TNRC6C: variants seen among roughly 807,000 people sequenced by gnomAD.
The protein encoded by TNRC6C is trinucleotide repeat-containing gene 6C protein.
Under a neutral mutation model 153.7 loss-of-function variants are expected in TNRC6C, and 20 were observed. That is an observed-to-expected ratio of 0.13 (90% CI 0.09 to 0.19). TNRC6C has a LOEUF of 0.19. TNRC6C is among the 10% of genes least tolerant of loss of function. TNRC6C has a pLI of 1.00. For missense variants in TNRC6C, 1,987 were observed against 2,172.0 expected (o/e 0.91, Z 1.69); for synonymous variants, 811 against 841.4 (o/e 0.96, Z 0.63).
At chr17:78,080,054 G>T (rs2073151887) in intron 10 of TNRC6C, among the ~76,000 whole-genome samples, 1 of 152,178 alleles carries the variant, frequency 6.6e-6, no homozygotes, top group Admixed American at 6.5e-5. Context: ...TAGATTTTCA[G>T]TTATGTTTAA....
upstream of TNRC6C, among the ~76,000 whole-genome samples, chr17:77,958,049 C>T (rs1435909363): frequency 1.3e-5 from 2 of 151,954 alleles, no homozygotes; most frequent in African/African-American, 2.4e-5. Context: ...GGCCGGGAGG[C>T]GCGAGGCGAG....
At chr17:78,001,877 G>A (rs1285620526), upstream of TNRC6C, among the ~76,000 whole-genome samples, 2 of 151,726 alleles carry the variant, frequency 1.3e-5, no homozygotes, top group African/African-American at 2.4e-5. Context: ...TTGTCCTGGG[G>A]GGAAGCATGA....
intron 1 of TNRC6C, among the ~76,000 whole-genome samples, chr17:77,985,588 C>T (rs1452121454): frequency 9.8e-5 from 13 of 133,328 alleles, no homozygotes; most frequent in South Asian, 2.2e-4. Flanking sequence ...GGCAACAGAG[C>T]GAGACTCCGT....
At chr17:78,002,083 T>G (rs951064622), upstream of TNRC6C, among the ~76,000 whole-genome samples, 1 of 152,186 alleles carries the variant, frequency 6.6e-6, no homozygotes, top group African/African-American at 2.4e-5. Context: ...TTGATACATT[T>G]GTTTTTTTTT....
At chr17:78,006,929 A>T (rs1347612114) in intron 1 of TNRC6C, among the ~76,000 whole-genome samples, 1 of 151,520 alleles carries the variant, frequency 6.6e-6, no homozygotes, top group Non-Finnish European at 1.5e-5. Flanking sequence ...CTCAGGTTCA[A>T]GTGGTTCTCC....
intron 7 of TNRC6C, among the ~76,000 whole-genome samples, chr17:78,074,411 C>G (rs577553081): frequency 6.6e-6 from 1 of 152,294 alleles, no homozygotes; most frequent in Non-Finnish European, 1.5e-5. Context: ...GTACAGAATT[C>G]ATGAATAATG....
chr17:78,104,261 T>C lies in TNRC6C; in HGVS notation c.4713-224T>C, dbSNP rs922528292. On this transcript the variant is annotated intron_variant, in intron 19 of 19. Transcript: ENST00000301624. The surrounding 1 kb of genome is among the most constrained non-coding windows in gnomAD (Gnocchi z 6.2). ...CTAAACGAGCCCACATTTAATGATC[T>C]GTTCACGCACTTGAAGATGTACTCT... Among the ~76,000 whole-genome samples the C allele has an allele frequency of 5.9e-5, 9 of 152,266 alleles. No individual in the cohort carries two copies. Among genetic ancestry groups the C allele is most frequent in the African/African-American group, 1.9e-4 (8 of 41,472 alleles).
At chr17:77,984,356 TAA>T (rs11290860) in intron 1 of TNRC6C, among the ~76,000 whole-genome samples, 6 of 135,684 alleles carry the variant, frequency 4.4e-5, no homozygotes, top group East Asian at 4.3e-4. Flanking sequence ...CATCAATACT[TAA>T]AAAAAAAAAA....
At position 77,972,279 on chromosome 17, in the gene TNRC6C, G is replaced by A. The variant is rs561796011; in HGVS notation, c.-38+13011G>A. Among the ~76,000 whole-genome samples the A allele has an allele frequency of 6.6e-5, 10 of 152,230 alleles. No individual in the cohort carries two copies. The South Asian group carries it at 2.1e-3, about 32-fold the overall frequency. On this transcript the variant is annotated intron_variant, in intron 1 of 22. Coordinates refer to the TNRC6C transcript ENST00000636222. ...TGAAATCCCATCACTTTGGGAGGCC[G>A]AGGTGGGAGGATCACCTGAAGTCAG...
At chr17:78,058,955 G>C (rs1043255037) in intron 3 of TNRC6C, among the ~76,000 whole-genome samples, 9 of 152,176 alleles carry the variant, frequency 5.9e-5, no homozygotes, top group Admixed American at 5.9e-4. Context: ...CATGGAAGAG[G>C]CATATCTCCA....
intron 16 of TNRC6C, 52 bp from the exon 19 acceptor site, chr17:78,097,693 A>G (rs1013414975): frequency 2.2e-6 from 3 of 1,349,924 alleles, no homozygotes; most frequent in African/African-American, 2.9e-5. Flanking sequence ...AGTTAGAGTC[A>G]TGAACCCGGA....
In TNRC6C at chr17:78,077,341, C is replaced by T. The variant is rs866031014; in HGVS notation, c.3210+7C>T. ...CTTGAATTCTTCTAGACAGGTAAGG[C>T]TGTTTGGAGAGAGCAAAACATGGCC... On this transcript the variant is annotated splice_region_variant and intron_variant, in intron 9 of 19. Coordinates refer to ENST00000301624, the Ensembl canonical transcript of TNRC6C. 2.6e-6 allele frequency: 4 copies of T among 1,568,526 alleles called. No homozygotes were observed. Among genetic ancestry groups the T allele is most frequent in the Admixed American group, 1.9e-5 (1 of 53,278 alleles).
chr17:78,097,803 C>T, intron 16 of TNRC6C: 1 of 1,551,164 alleles, frequency 6.4e-7, no homozygotes, highest in Non-Finnish European at 8.7e-7. Flanking sequence ...CCTGGCCACT[C>T]AGTGCCTCCG....
chr17:78,049,245 C>T lies in TNRC6C; in HGVS notation c.183C>T (p.Gly61=), dbSNP rs369498234. 2.5e-6 allele frequency: 4 copies of T among 1,610,798 alleles called. No individual in the cohort carries two copies. The highest frequency in any genetic ancestry group is 2.2e-5 in the South Asian group (2 of 90,482). Residue 61 remains glycine, a synonymous_variant, in exon 3 of 20, where the codon GGC becomes GGT. Coordinates refer to ENST00000301624, the Ensembl canonical transcript of TNRC6C. The surrounding 1 kb of genome is among the most constrained non-coding windows in gnomAD (Gnocchi z 4.1). ...GTGTAGCCACAGGCTCCAGCTCTGG[C>T]CTGGCTCACTGCTCTGTCAGTGGTG...
At chr17:78,073,254 G>A (rs1049198627) in intron 7 of TNRC6C, among the ~76,000 whole-genome samples, 160 bp downstream of exon 9, 2 of 152,254 alleles carry the variant, frequency 1.3e-5, no homozygotes, top group African/African-American at 4.8e-5. Flanking sequence ...GAACCACAGA[G>A]GGAGCCTCTT....
intron 1 of TNRC6C, among the ~76,000 whole-genome samples, chr17:78,009,557 T>C (rs1377911406): frequency 6.6e-6 from 1 of 152,168 alleles, no homozygotes; most frequent in Non-Finnish European, 1.5e-5. Flanking sequence ...TAATGAATTA[T>C]GTTTTTGTTT....
chr17:78,050,178 C>T (rs760275877), exon 3 of TNRC6C: 5 of 1,557,938 alleles, frequency 3.2e-6, no homozygotes, highest in Admixed American at 3.8e-5. Context: ...CCAGCCAGAA[C>T]CCTACCGTAC....
chr17:78,106,766 A>G (rs2144698933), exon 20 of TNRC6C: 1 of 152,078 alleles, frequency 6.6e-6, no homozygotes, highest in Admixed American at 6.5e-5. Flanking sequence ...CATACCTTCA[A>G]GTATGTTTTA....
intron 5 of TNRC6C, 74 bp from the exon 8 acceptor site, chr17:78,071,011 C>A: frequency 7.2e-7 from 1 of 1,389,004 alleles, no homozygotes; most frequent in Non-Finnish European, 1.0e-6. Flanking sequence ...TGAATTTAGG[C>A]TGTCTCCCAT....
Sources: allele counts gnomAD v4.1 joint callset (sites outside exome capture counted in the v4.1 genomes callset), GRCh38; gene constraint gnomAD v4.1.1; non-coding constraint Gnocchi (gnomAD v3.1); transcripts MANE v1.5; gene names NCBI Gene and HGNC (gene_info 2026-07-23, HGNC 2026-07-21).